RNF180: variants seen among roughly 807,000 people sequenced by gnomAD.
The protein encoded by RNF180 is ring finger protein 180, also known as E3 ubiquitin-protein ligase RNF180.
In RNF180, 38 loss-of-function variants were observed where a neutral mutation model predicts 59.2. The observed-to-expected ratio is 0.64, with a 90% CI of 0.50 to 0.84. RNF180 has a LOEUF of 0.84. RNF180 is among the 40% of genes least tolerant of loss of function. The pLI is 0.00. For synonymous variants in RNF180, 262 were observed against 240.3 expected (o/e 1.09, Z -0.84); for missense variants, 705 against 700.9 (o/e 1.01, Z -0.07).
At chr5:64,177,245 C>T (rs1441397948) in intron 1 of RNF180, among the ~76,000 whole-genome samples, 1 of 151,976 alleles carries the variant, frequency 6.6e-6, no homozygotes, top group Non-Finnish European at 1.5e-5. Flanking sequence ...CTACACATTC[C>T]CGACTTAGTG....
At chr5:64,345,742 G>T (rs1183905774) in intron 7 of RNF180, among the ~76,000 whole-genome samples, 3 of 152,196 alleles carry the variant, frequency 2.0e-5, no homozygotes, top group African/African-American at 4.8e-5. Flanking sequence ...TGTAAGTTAA[G>T]GATTGGATAA....
At position 64,368,221 on chromosome 5, in the gene RNF180, G is replaced by A. The variant is rs141865180; in HGVS notation, c.1580-1394G>A. Among the ~76,000 whole-genome samples, 875 of 151,662 alleles carry A rather than the reference G, an allele frequency of 5.8e-3. 4 individuals carry two copies. The highest frequency in any genetic ancestry group is 8.0e-3 in the Non-Finnish European group (541 of 67,752). On this transcript the variant is annotated intron_variant, in intron 7 of 7. Coordinates refer to ENST00000389100, the MANE Select transcript of RNF180 (RefSeq NM_001113561.2). Reference sequence around the variant, plus strand: ...ATCATTATGTCTGTCTAGTTTATTCGATGCTAAAATAAGATATTCTTCTTA... The same window carrying A: ...ATCATTATGTCTGTCTAGTTTATTCAATGCTAAAATAAGATATTCTTCTTA...
In RNF180 at chr5:64,175,312, C is replaced by T. The variant is rs181629128; in HGVS notation, c.-1+9359C>T. ...TGATTTTTTTTCATATGGTAGAAGACGGGGGTTTAGTTCGTTCTTCTACAT... is the reference window on the plus strand; with the variant it reads ...TGATTTTTTTTCATATGGTAGAAGATGGGGGTTTAGTTCGTTCTTCTACAT... On this transcript the variant is annotated intron_variant, in intron 1 of 7. Coordinates refer to ENST00000389100, the MANE Select transcript of RNF180 (RefSeq NM_001113561.2). 1.6e-3 allele frequency among the ~76,000 whole-genome samples: 243 copies of T among 152,102 alleles called. 1 individual carries two copies. Among genetic ancestry groups the T allele is most frequent in the African/African-American group, 5.5e-3 (230 of 41,510 alleles).
chr5:64,339,603 G>A (rs1745278375), intron 7 of RNF180, among the ~76,000 whole-genome samples: 1 of 151,974 alleles, frequency 6.6e-6, no homozygotes, highest in African/African-American at 2.4e-5. Context: ...GGTTTTCATG[G>A]TTGGTAGATG....
chr5:64,285,031 T>C (rs1351559053), intron 5 of RNF180, among the ~76,000 whole-genome samples: 1 of 152,204 alleles, frequency 6.6e-6, no homozygotes, highest in African/African-American at 2.4e-5. Context: ...GGTCTGATCA[T>C]GGCATATGGT....
intron 7 of RNF180, among the ~76,000 whole-genome samples, 159 bp from the exon 8 acceptor site, chr5:64,369,450 TAAAGTA>T (rs1216164878): frequency 1.5e-5 from 2 of 137,312 alleles, no homozygotes; most frequent in Admixed American, 7.3e-5. Context: ...CCCTAAAACT[TAAAGTA>T]TAATAATAAT....
intron 6 of RNF180, 67 bp downstream of exon 6, chr5:64,325,478 T>G (rs1387079120): frequency 3.4e-6 from 4 of 1,174,988 alleles, no homozygotes; most frequent in African/African-American, 3.1e-5. Context: ...AAAGGTACTT[T>G]ATAAATTAAA....
At chr5:64,295,789 A>G (rs934589380) in intron 5 of RNF180, among the ~76,000 whole-genome samples, 1 of 152,194 alleles carries the variant, frequency 6.6e-6, no homozygotes, top group African/African-American at 2.4e-5. Context: ...AGTATGTTGA[A>G]GTATGATTTT....
intron 5 of RNF180, among the ~76,000 whole-genome samples, chr5:64,261,522 A>G (rs183291354): frequency 1.3e-5 from 2 of 152,264 alleles, no homozygotes; most frequent in African/African-American, 2.4e-5. Flanking sequence ...CCTTTCATTC[A>G]TTGGGTTTCA....
Position 64,214,433 on chromosome 5 carries a change from T to G in RNF180, c.1107T>G (p.Asn369Lys), listed in dbSNP as rs1476369578. The change falls in exon 4 of 8, where the codon AAT becomes AAG. Residue 369 changes from asparagine to lysine, a missense_variant. Coordinates refer to ENST00000389100, the MANE Select transcript of RNF180 (RefSeq NM_001113561.2). Reference protein sequence around the residue: ...HSANFSLGSINQRLNKRERSK... With the variant: ...HSANFSLGSIKQRLNKRERSK... ...CCAATTTTTCATTGGGCAGCATTAATCAGAGGCTTAATAAGAGAGAAAGGA... is the reference window on the plus strand; with the variant it reads ...CCAATTTTTCATTGGGCAGCATTAAGCAGAGGCTTAATAAGAGAGAAAGGA... 1.2e-6 allele frequency: 2 copies of G among 1,613,900 alleles called. No homozygotes were observed. Among genetic ancestry groups the G allele is most frequent in the Non-Finnish European group, 1.7e-6 (2 of 1,179,884 alleles).
At chr5:64,235,704 C>A (rs948997468) in intron 5 of RNF180, among the ~76,000 whole-genome samples, 2 of 152,060 alleles carry the variant, frequency 1.3e-5, no homozygotes, top group African/African-American at 4.8e-5. Context: ...AGGGTGGGAC[C>A]TGGTGGGAGG....
In RNF180 at chr5:64,214,189, C is replaced by T. The variant is rs780938858; in HGVS notation, c.863C>T (p.Pro288Leu). 3 of 1,613,992 alleles carry T rather than the reference C, an allele frequency of 1.9e-6. No homozygotes were observed. The highest frequency in any genetic ancestry group is 1.1e-5 in the South Asian group (1 of 91,076). The change falls in exon 4 of 8, where the codon CCT (proline) becomes CTT (leucine). Residue 288 changes from proline to leucine, a missense_variant. Physicochemically the swap from Pro to Leu is moderately conservative, Grantham distance 98. Coordinates refer to ENST00000389100, the MANE Select transcript of RNF180 (RefSeq NM_001113561.2). The part of the protein sequence containing the change: ...YSFQNPSSFD[P>L]SMLLQRFSVA... ...TTTCAGAATCCATCCAGTTTTGATCCTAGTATGCTGCTGCAAAGATTTTCA... is the reference window on the plus strand; with the variant it reads ...TTTCAGAATCCATCCAGTTTTGATCTTAGTATGCTGCTGCAAAGATTTTCA...
chr5:64,197,039 G>A (rs1041498684), intron 1 of RNF180, among the ~76,000 whole-genome samples: 6 of 152,082 alleles, frequency 3.9e-5, no homozygotes, highest in African/African-American at 1.2e-4. Context: ...CAAATAAAAA[G>A]GTCAGCAAAG....
At position 64,214,488 on chromosome 5, in the gene RNF180, C is replaced by T. The variant is rs374998858; in HGVS notation, c.1162C>T (p.Arg388Ter). Residue 388 changes from arginine to a stop codon, truncating the protein, a stop_gained, in exon 4 of 8, where the codon CGA becomes TGA. Transcript: ENST00000389100. LOFTEE classifies it high-confidence loss of function. ...GTTGAAGAATCTAAGAAGGAAACAA[C>T]GAAGGCGTGAAAGATGGCTACAGAA... Reference protein sequence around the residue: ...SKLKNLRRKQRRRERWLQKQG... With the variant: ...SKLKNLRRKQ 16 of 1,613,224 alleles carry T rather than the reference C, an allele frequency of 9.9e-6. No homozygotes were observed. Among genetic ancestry groups the T allele is most frequent in the Non-Finnish European group, 1.3e-5 (15 of 1,179,520 alleles).
chr5:64,167,921 AGTT>A (rs1749737762), intron 1 of RNF180, among the ~76,000 whole-genome samples: 1 of 152,180 alleles, frequency 6.6e-6, no homozygotes, highest in Non-Finnish European at 1.5e-5. Context: ...TCTCGAAAGT[AGTT>A]TGAACTCCAC....
intron 7 of RNF180, among the ~76,000 whole-genome samples, chr5:64,360,580 A>G (rs1561280836): frequency 6.6e-6 from 1 of 151,828 alleles, no homozygotes; most frequent in Non-Finnish European, 1.5e-5. Context: ...GGAGAAGGAA[A>G]TAAAGGGTAT....
At chr5:64,224,692 G>A (rs145124027) in intron 5 of RNF180, among the ~76,000 whole-genome samples, 200 of 152,292 alleles carry the variant, frequency 1.3e-3, no homozygotes, top group Non-Finnish European at 2.3e-3. Flanking sequence ...CAGTTGGGAG[G>A]TAGGAGAACA....
At chr5:64,332,771 A>T (rs1450588088) in intron 7 of RNF180, among the ~76,000 whole-genome samples, 1 of 152,238 alleles carries the variant, frequency 6.6e-6, no homozygotes, top group Non-Finnish European at 1.5e-5. Context: ...GTTATTTAAC[A>T]ATTATGACAT....
chr5:64,219,438 G>C lies in RNF180; in HGVS notation c.1227+2042G>C, dbSNP rs142342101. The stretch of plus-strand genomic sequence containing the variant: ...TCTGTTTTTTGTAATGTCTTTGTCT[G>C]ATTTTGGTACTAGGGTATGATGGCC... On this transcript the variant is annotated intron_variant, in intron 5 of 7. Coordinates refer to ENST00000389100, the MANE Select transcript of RNF180 (RefSeq NM_001113561.2). Among the ~76,000 whole-genome samples, 79 of 152,086 alleles carry C rather than the reference G, an allele frequency of 5.2e-4. 1 individual carries two copies. The highest frequency in any genetic ancestry group is 1.4e-3 in the African/African-American group (60 of 41,500).
Sources: gnomAD v4.1 joint callset for allele counts (sites outside exome capture counted in the v4.1 genomes callset) on GRCh38, gnomAD v4.1.1 for gene constraint, MANE v1.5 for transcripts, NCBI Gene and HGNC (gene_info 2026-07-23, HGNC 2026-07-21) for gene names.